Variants in AGMAT observed in about 807,000 individuals in gnomAD.
The protein encoded by AGMAT is agmatinase (putative), also known as guanidino acid hydrolase, mitochondrial.
AGMAT carries 37 observed loss-of-function variants against 29.3 expected under a neutral mutation model. The ratio of observed to expected loss-of-function variants is 1.26; its 90% CI spans 0.97 to 1.66. The LOEUF (loss-of-function observed/expected upper bound fraction) is 1.66. Among genes scored for constraint, AGMAT ranks in the 40% most tolerant of loss-of-function variants. The pLI is 0.00. For synonymous variants in AGMAT, 199 were observed against 200.8 expected (o/e 0.99, Z 0.08); for missense variants, 498 against 497.8 (o/e 1.00, Z 0.00).
rs907284457 is a variant in AGMAT, at chr1:15,572,100, G to A, written c.*1551C>T. ...GCGGAGATTGCAGTGAGCTAAGATC[G>A]GGCCACTGCACTCCAGCCTGGGGGA... On this transcript the variant is annotated 3_prime_UTR_variant, in exon 7 of 7. Coordinates refer to ENST00000375826, the MANE Select transcript of AGMAT (RefSeq NM_024758.5). Among the ~76,000 whole-genome samples the A allele has an allele frequency of 1.1e-4, 16 of 149,146 alleles. No homozygotes were observed. The South Asian group carries it at 1.5e-3, about 14-fold the overall frequency.
chr1:15,583,855 A>T (rs1639148018), intron 1 of AGMAT, among the ~76,000 whole-genome samples: 1 of 152,210 alleles, frequency 6.6e-6, no homozygotes, highest in African/African-American at 2.4e-5. Flanking sequence ...TCAGATCAGT[A>T]CGGTCAGATA....
At chr1:15,578,015 G>T in intron 4 of AGMAT, 151 bp from the exon 5 acceptor site, 1 of 754,606 alleles carries the variant, frequency 1.3e-6, no homozygotes, top group Non-Finnish European at 2.1e-6. Flanking sequence ...GAGGAAGGGA[G>T]GGACAATGAG....
intron 2 of AGMAT, 114 bp downstream of exon 2, chr1:15,583,079 C>T: frequency 1.1e-6 from 1 of 896,918 alleles, no homozygotes; most frequent in Admixed American, 2.3e-5. Context: ...TTCCTACTGT[C>T]TGCACATTTG....
At chr1:15,577,266 G>T (rs559608861) in intron 5 of AGMAT, among the ~76,000 whole-genome samples, 2 of 152,152 alleles carry the variant, frequency 1.3e-5, no homozygotes, top group East Asian at 3.9e-4. Flanking sequence ...AGGCCTAGGT[G>T]CTCTGCTCTT....
At chr1:15,577,202 A>G (rs1023273718) in intron 5 of AGMAT, among the ~76,000 whole-genome samples, 6 of 152,124 alleles carry the variant, frequency 3.9e-5, no homozygotes, top group Admixed American at 1.3e-4. Context: ...GCCAAAATCA[A>G]TCACCCTTCA....
Position 15,578,992 on chromosome 1 carries a change from C to G in AGMAT, c.587G>C (p.Gly196Ala), listed in dbSNP as rs757648420. The G allele has an allele frequency of 1.9e-6, 3 of 1,614,200 alleles. No homozygotes were observed. The Admixed American group carries it at 5.0e-5, about 27-fold the overall frequency. Residue 196 changes from glycine to alanine, a missense_variant, in exon 4 of 7, where the codon GGA becomes GCA. Transcript: ENST00000375826. ...AHTDTTDKAL[G>A]EKLYHGAPFR... ...GGGCGCCCCGTGGTAGAGCTTCTCT[C>G]CTAGGGCCTTGTCGGTCGTGTCCGT...
intron 2 of AGMAT, among the ~76,000 whole-genome samples, chr1:15,580,762 T>C (rs538320712): frequency 2.5e-4 from 38 of 151,656 alleles, no homozygotes; most frequent in African/African-American, 8.7e-4. Flanking sequence ...GGTCACCTGA[T>C]GTTGGGAGTT....
chr1:15,575,879 A>G (rs1374118862), intron 5 of AGMAT: 3 of 151,856 alleles, frequency 2.0e-5, no homozygotes, highest in Non-Finnish European at 4.4e-5. Flanking sequence ...CAGCCTCCCT[A>G]GTAGCTGGGA....
chr1:15,582,107 A>G (rs1639123563), intron 2 of AGMAT, among the ~76,000 whole-genome samples: 1 of 151,924 alleles, frequency 6.6e-6, no homozygotes, highest in Non-Finnish European at 1.5e-5. Flanking sequence ...CGTCTCTACT[A>G]AAAATATAAA....
chr1:15,582,215 G>A (rs1356567848), intron 2 of AGMAT, among the ~76,000 whole-genome samples: 12 of 151,758 alleles, frequency 7.9e-5, no homozygotes, highest in East Asian at 3.9e-4. Context: ...GCAGTGAGCC[G>A]AGATCGTGCC....
At chr1:15,584,665 G>A in intron 1 of AGMAT, 31 bp downstream of exon 1, 1 of 1,289,784 alleles carries the variant, frequency 7.8e-7, no homozygotes, top group Non-Finnish European at 9.9e-7. Flanking sequence ...GTCCCTCCAC[G>A]TGTACCCGGC....
rs1193229678 is a variant in AGMAT at position 15,580,107 on chromosome 1, CTTGCAATATGGG to C, written c.499_510del (p.Pro167_Gln170del). ...TTTGAGACTTACTTTTTTGCCATCGCTTGCAATATGGGATATGTGATTGTGTGATCTCCACCT... is the reference window on the plus strand; with the variant it reads ...TTTGAGACTTACTTTTTTGCCATCGCATATGTGATTGTGTGATCTCCACCT... On this transcript the variant is annotated inframe_deletion, in exon 3 of 7. Transcript: ENST00000375826. The C allele has an allele frequency of 6.2e-7, 1 of 1,612,986 alleles. No individual in the cohort carries two copies. Among genetic ancestry groups the C allele is most frequent in the East Asian group, 2.2e-5 (1 of 44,846 alleles).
Position 15,574,879 on chromosome 1 carries a change from TCATTTACAGTGAAAAG to T in AGMAT, c.901-54_901-39del, listed in dbSNP as rs755694721. 3.2e-5 allele frequency: 50 copies of T among 1,552,216 alleles called. No homozygotes were observed. The Admixed American group carries it at 8.4e-4, about 26-fold the overall frequency. ...AAGACTGAGTTGTCCACAGTGGTAA[TCATTTACAGTGAAAAG>T]CACCCAGTAGAGCTTTTCCCAGCCC... is the stretch of plus-strand genomic sequence containing the variant. On this transcript the variant is annotated intron_variant, in intron 5 of 6. Coordinates refer to ENST00000375826, the MANE Select transcript of AGMAT (RefSeq NM_024758.5).
chr1:15,577,578 A>G (rs1016163419), intron 5 of AGMAT, 107 bp downstream of exon 5: 3 of 1,280,466 alleles, frequency 2.3e-6, no homozygotes, highest in African/African-American at 1.5e-5. Flanking sequence ...GTCTCAAACA[A>G]ACAAACAAAA....
At chr1:15,574,514 G>A (rs751258094) in intron 6 of AGMAT, among the ~76,000 whole-genome samples, 4 of 151,968 alleles carry the variant, frequency 2.6e-5, no homozygotes, top group African/African-American at 4.8e-5. Context: ...GAGTACCTGG[G>A]ATTACAGGTG....
intron 2 of AGMAT, among the ~76,000 whole-genome samples, chr1:15,581,784 A>ACTCCT (rs1639118427): frequency 6.6e-6 from 1 of 151,930 alleles, no homozygotes; most frequent in African/African-American, 2.4e-5. Flanking sequence ...CTGAGGCAGG[A>ACTCCT]GAATCACTTG....
At chr1:15,579,097 G>A in intron 3 of AGMAT, 43 bp from the exon 4 acceptor site, 1 of 1,590,162 alleles carries the variant, frequency 6.3e-7, no homozygotes, top group Non-Finnish European at 8.6e-7. Flanking sequence ...CTCCCTGTGG[G>A]GCCCTAGCAC....
rs1461756984 is a variant in AGMAT at position 15,574,797 on chromosome 1, G to A, written c.945C>T (p.Gly315=). Residue 315 remains glycine (G), a synonymous_variant, in exon 6 of 7, where the codon GGC becomes GGT. Coordinates refer to ENST00000375826, the MANE Select transcript of AGMAT (RefSeq NM_024758.5). ...IRGCQGLNVM[G]CDLVEVSPPY... is the part of the protein sequence containing the mutation. The stretch of plus-strand genomic sequence containing the variant: ...GTGGTGAAACTTCGACAAGATCACA[G>A]CCCATCACGTTCAGGCCTTGACAAC... The A allele has an allele frequency of 1.9e-6, 3 of 1,613,874 alleles. No individual in the cohort carries two copies. Among genetic ancestry groups the A allele is most frequent in the Non-Finnish European group, 2.5e-6 (3 of 1,179,930 alleles).
chr1:15,573,976 G>A (rs6429752), intron 6 of AGMAT, among the ~76,000 whole-genome samples: 1,597 of 152,276 alleles, frequency 0.01, 29 homozygotes, highest in African/African-American at 0.036. Flanking sequence ...TCCCAAAGGA[G>A]AACCTATAAT....
Sources: allele counts gnomAD v4.1 joint callset (sites outside exome capture counted in the v4.1 genomes callset), GRCh38; gene constraint gnomAD v4.1.1; transcripts MANE v1.5; gene names NCBI Gene and HGNC (gene_info 2026-07-23, HGNC 2026-07-21).